ANKRD6: variants seen among roughly 807,000 people sequenced by gnomAD.
The protein encoded by ANKRD6 is ankyrin repeat domain 6.
ANKRD6 carries 56 observed loss-of-function variants against 82.3 expected under a neutral mutation model. That is an observed-to-expected ratio of 0.68 (90% CI 0.55 to 0.85). The LOEUF (loss-of-function observed/expected upper bound fraction) is 0.85. Ranked by LOEUF, ANKRD6 falls within the 40% of genes least tolerant of loss-of-function variation. ANKRD6 has a pLI of 0.00. For synonymous variants in ANKRD6, 347 were observed against 352.1 expected, an observed-to-expected ratio of 0.99 and a Z score of 0.16; for missense variants, 852 against 907.6, an observed-to-expected ratio of 0.94 and a Z score of 0.79.
At chr6:89,586,730 AGT>A (rs1386405217) in intron 2 of ANKRD6, among the ~76,000 whole-genome samples, 1 of 151,972 alleles carries the variant, frequency 6.6e-6, no homozygotes, top group African/African-American at 2.4e-5. Flanking sequence ...ACCTGTGAGG[AGT>A]GTGTGGGCCA....
intron 1 of ANKRD6, among the ~76,000 whole-genome samples, chr6:89,498,627 G>A (rs571409053): frequency 4.1e-4 from 62 of 152,154 alleles, no homozygotes; most frequent in African/African-American, 1.4e-3. Context: ...GATGTGAAGT[G>A]TTCTCTTGAA....
At chr6:89,629,010 T>C (rs754404505) in intron 14 of ANKRD6, 102 bp from the exon 15 acceptor site, 16 of 1,318,720 alleles carry the variant, frequency 1.2e-5, no homozygotes, top group African/African-American at 1.0e-4. Flanking sequence ...TCAACTGTTA[T>C]AATTGAAAAG....
chr6:89,438,895 G>A (rs1432877737), intron 1 of ANKRD6, among the ~76,000 whole-genome samples: 1 of 152,020 alleles, frequency 6.6e-6, no homozygotes, highest in Non-Finnish European at 1.5e-5. Flanking sequence ...CGCCGGCCTC[G>A]GCCTCCTAAA....
chr6:89,454,575 C>T (rs1194931293), intron 1 of ANKRD6, among the ~76,000 whole-genome samples: 1 of 152,142 alleles, frequency 6.6e-6, no homozygotes, highest in Non-Finnish European at 1.5e-5. Flanking sequence ...GCCAGAAGAG[C>T]TATTTGTGAA....
At chr6:89,627,797 T>A in intron 14 of ANKRD6, 101 bp downstream of exon 14, 1 of 899,110 alleles carries the variant, frequency 1.1e-6, no homozygotes. Context: ...TGAGACTCCC[T>A]AAGAGCTTTT....
intron 2 of ANKRD6, among the ~76,000 whole-genome samples, chr6:89,585,626 C>A (rs529512006): frequency 6.6e-6 from 1 of 152,166 alleles, no homozygotes; most frequent in Non-Finnish European, 1.5e-5. Flanking sequence ...GTACTAGGGC[C>A]GGCCAGATGT....
At chr6:89,525,046 G>A (rs1782304168) in intron 1 of ANKRD6, among the ~76,000 whole-genome samples, 1 of 152,038 alleles carries the variant, frequency 6.6e-6, no homozygotes, top group Non-Finnish European at 1.5e-5. Context: ...TGTAATACCA[G>A]CATTTTGGGA....
rs189496678 is a variant in ANKRD6 at position 89,535,336 on chromosome 6, G to A, written c.-143-31498G>A. 1.3e-4 allele frequency among the ~76,000 whole-genome samples: 20 copies of A among 152,238 alleles called. No homozygotes were observed. In the East Asian group the frequency reaches 3.9e-3, roughly 29 times the overall value. ...TTTCCAAGAATTAGCCATCCTGGGG[G>A]GAAAAATATATATTTGGTTTGAAAC... On this transcript the variant is annotated intron_variant, in intron 1 of 15. Coordinates refer to ENST00000339746, the MANE Select transcript of ANKRD6 (RefSeq NM_001242809.2).
chr6:89,604,197 G>T (rs566518699), intron 4 of ANKRD6, among the ~76,000 whole-genome samples: 3 of 152,086 alleles, frequency 2.0e-5, no homozygotes, highest in Non-Finnish European at 4.4e-5. Flanking sequence ...GCATGGTGGC[G>T]CATGCCTGTA....
chr6:89,468,913 G>T (rs551644098), intron 1 of ANKRD6, among the ~76,000 whole-genome samples: 23 of 151,810 alleles, frequency 1.5e-4, no homozygotes, highest in African/African-American at 5.3e-4. Context: ...TCATTTATGG[G>T]TCTGTTTATT....
At chr6:89,466,135 C>G (rs1774820905) in intron 1 of ANKRD6, among the ~76,000 whole-genome samples, 1 of 152,114 alleles carries the variant, frequency 6.6e-6, no homozygotes, top group Admixed American at 6.5e-5. Context: ...AATAATATAT[C>G]ATGAGGGTTT....
chr6:89,608,315 A>G (rs1313030076), intron 5 of ANKRD6, among the ~76,000 whole-genome samples: 1 of 149,386 alleles, frequency 6.7e-6, no homozygotes, highest in East Asian at 1.9e-4. Context: ...AGGTGGCAGT[A>G]GCCTGGGGAC....
rs898605010 is a variant in ANKRD6, at chr6:89,535,280, T to C, written c.-143-31554T>C. On this transcript the variant is annotated intron_variant, in intron 1 of 15. Transcript: ENST00000339746. ...ATTAAATGTTTGCAAGTGGTAAACC[T>C]CAAAGGCCTGCAGTATAAAATGGGA... 3.9e-5 allele frequency among the ~76,000 whole-genome samples: 6 copies of C among 152,278 alleles called. No individual in the cohort carries two copies. The East Asian group carries it at 7.7e-4, about 20-fold the overall frequency.
chr6:89,555,543 G>A (rs1786473244), intron 1 of ANKRD6, among the ~76,000 whole-genome samples: 2 of 152,088 alleles, frequency 1.3e-5, no homozygotes, highest in South Asian at 4.1e-4. Context: ...GGACCCTGGA[G>A]GTTGGAAGAG....
chr6:89,547,077 C>T (rs1024523848), intron 1 of ANKRD6, among the ~76,000 whole-genome samples: 2 of 151,880 alleles, frequency 1.3e-5, no homozygotes, highest in Non-Finnish European at 2.9e-5. Flanking sequence ...CCTCCCACCT[C>T]GGCCTCCCAA....
chr6:89,455,769 T>C (rs1773434464), intron 1 of ANKRD6, among the ~76,000 whole-genome samples: 1 of 152,110 alleles, frequency 6.6e-6, no homozygotes, highest in Non-Finnish European at 1.5e-5. Flanking sequence ...TCCTGAGGCC[T>C]CCCCAGAAGC....
chr6:89,603,228 ATT>A (rs1797655744), intron 4 of ANKRD6, 101 bp downstream of exon 4: 2 of 914,966 alleles, frequency 2.2e-6, no homozygotes, highest in Non-Finnish European at 3.3e-6. Flanking sequence ...TCCTCGAGGT[ATT>A]ATAATTCCTG....
intron 1 of ANKRD6, among the ~76,000 whole-genome samples, chr6:89,557,225 G>A (rs952210474): frequency 1.3e-5 from 2 of 152,128 alleles, no homozygotes; most frequent in African/African-American, 2.4e-5. Flanking sequence ...TTCAGAGAAC[G>A]TGATTGAGGG....
chr6:89,612,143 A>T (rs1015732920), intron 5 of ANKRD6, 129 bp from the exon 6 acceptor site: 2 of 754,380 alleles, frequency 2.7e-6, no homozygotes, highest in Non-Finnish European at 4.3e-6. Flanking sequence ...CACTGAAACC[A>T]TCGGGCAAGA....
Sources: allele counts gnomAD v4.1 joint callset (sites outside exome capture counted in the v4.1 genomes callset), GRCh38; gene constraint gnomAD v4.1.1; transcripts MANE v1.5; gene names NCBI Gene and HGNC (gene_info 2026-07-23, HGNC 2026-07-21).